EXT1: variants seen among roughly 807,000 people sequenced by gnomAD.
EXT1 encodes exostosin glycosyltransferase 1.
A neutral mutation model predicts 82.5 loss-of-function variants in EXT1; 20 were observed. The observed-to-expected ratio is 0.24, with a 90% CI of 0.17 to 0.35. The LOEUF is 0.35. Ranked by LOEUF, EXT1 falls within the 10% of genes least tolerant of loss-of-function variation. EXT1 has a pLI of 1.00. For synonymous variants in EXT1, 348 were observed against 350.8 expected, an observed-to-expected ratio of 0.99 and a Z score of 0.09; for missense variants, 757 against 936.5, an observed-to-expected ratio of 0.81 and a Z score of 2.50.
chr8:118,023,808 A>C (rs558882419), intron 1 of EXT1, among the ~76,000 whole-genome samples: 2 of 152,386 alleles, frequency 1.3e-5, no homozygotes, highest in South Asian at 4.1e-4. Context: ...TATTAGAAGC[A>C]AGACTTGAGC....
intron 5 of EXT1, among the ~76,000 whole-genome samples, chr8:117,820,636 C>T (rs1180037926): frequency 1.3e-5 from 2 of 151,038 alleles, no homozygotes; most frequent in Non-Finnish European, 2.9e-5. Flanking sequence ...TGCAGTGAGC[C>T]AAGATGGTGC....
intron 1 of EXT1, among the ~76,000 whole-genome samples, chr8:118,009,984 AG>A (rs1815862096): frequency 6.6e-6 from 1 of 152,220 alleles, no homozygotes; most frequent in Non-Finnish European, 1.5e-5. Context: ...AAGAGCTAAC[AG>A]GTAGGCTAAA....
At chr8:118,028,577 A>G (rs1816243900) in intron 1 of EXT1, among the ~76,000 whole-genome samples, 1 of 151,940 alleles carries the variant, frequency 6.6e-6, no homozygotes. Context: ...TATATATTAT[A>G]TTTATATATG....
chr8:117,882,218 C>T (rs1241752118), intron 1 of EXT1, among the ~76,000 whole-genome samples: 1 of 152,156 alleles, frequency 6.6e-6, no homozygotes, highest in Non-Finnish European at 1.5e-5. Context: ...GTAGTTGGGA[C>T]TACAGGCATG....
At chr8:118,005,744 G>A (rs1815762118) in intron 1 of EXT1, among the ~76,000 whole-genome samples, 1 of 152,108 alleles carries the variant, frequency 6.6e-6, no homozygotes, top group African/African-American at 2.4e-5. Flanking sequence ...GTCACATGTA[G>A]GTGAAGATTG....
At chr8:117,876,806 C>G (rs977791167) in intron 1 of EXT1, among the ~76,000 whole-genome samples, 1 of 152,176 alleles carries the variant, frequency 6.6e-6, no homozygotes, top group Non-Finnish European at 1.5e-5. Flanking sequence ...CATTCTTCCA[C>G]AGATATTTAC....
At chr8:118,085,055 G>T (rs1009731693) in intron 1 of EXT1, among the ~76,000 whole-genome samples, 26 of 152,172 alleles carry the variant, frequency 1.7e-4, no homozygotes, top group Non-Finnish European at 2.9e-4. Flanking sequence ...CAGATGTTTC[G>T]ATTGTTAAGC....
chr8:118,030,742 A>G (rs1417214726), intron 1 of EXT1, among the ~76,000 whole-genome samples: 1 of 152,138 alleles, frequency 6.6e-6, no homozygotes, highest in East Asian at 1.9e-4. Context: ...TCAGCCTCCC[A>G]AAGTGCTGGG....
chr8:117,858,371 G>A (rs1446430782), intron 1 of EXT1, among the ~76,000 whole-genome samples: 1 of 152,118 alleles, frequency 6.6e-6, no homozygotes, highest in African/African-American at 2.4e-5. Flanking sequence ...CCACTGTTGT[G>A]TTATTTTAAG....
chr8:117,946,360 T>C, intron 1 of EXT1, among the ~76,000 whole-genome samples: 1 of 135,250 alleles, frequency 7.4e-6, no homozygotes, highest in East Asian at 2.1e-4. Flanking sequence ...TGGTTTTTTG[T>C]TTTTTACTTT....
At chr8:117,973,958 G>GAAGGAAGGAAGA (rs1815014666) in intron 1 of EXT1, among the ~76,000 whole-genome samples, 1 of 149,914 alleles carries the variant, frequency 6.7e-6, no homozygotes, top group African/African-American at 2.5e-5. Flanking sequence ...AGGAAGGAAG[G>GAAGGAAGGAAGA]AAGGAAGGAA....
intron 1 of EXT1, among the ~76,000 whole-genome samples, chr8:118,080,849 A>G (rs1817307364): frequency 6.6e-6 from 1 of 152,156 alleles, no homozygotes. Flanking sequence ...AAGTCATAAA[A>G]TGTGGTTCCC....
chr8:117,849,619 C>A (rs942980647), intron 1 of EXT1, among the ~76,000 whole-genome samples: 1 of 152,192 alleles, frequency 6.6e-6, no homozygotes, highest in African/African-American at 2.4e-5. Flanking sequence ...TCGTCAAGTT[C>A]TCCAAATGCC....
chr8:117,982,422 C>T (rs1815229017), intron 1 of EXT1, among the ~76,000 whole-genome samples: 1 of 152,192 alleles, frequency 6.6e-6, no homozygotes, highest in Non-Finnish European at 1.5e-5. Flanking sequence ...TTTAAGGGCT[C>T]ACCAGATTAT....
chr8:118,029,931 C>A (rs1816277171), intron 1 of EXT1, among the ~76,000 whole-genome samples: 1 of 152,172 alleles, frequency 6.6e-6, no homozygotes, highest in Non-Finnish European at 1.5e-5. Flanking sequence ...CAAACTCTTG[C>A]AACACATTAT....
intron 1 of EXT1, among the ~76,000 whole-genome samples, chr8:117,996,008 C>T (rs1815531625): frequency 1.3e-5 from 2 of 152,178 alleles, no homozygotes; most frequent in Admixed American, 6.5e-5. Context: ...TGTCCTGGTG[C>T]TCTCCCAGAA....
At chr8:118,104,872 C>A (rs1277952019) in intron 1 of EXT1, among the ~76,000 whole-genome samples, 2 of 152,140 alleles carry the variant, frequency 1.3e-5, no homozygotes, top group Non-Finnish European at 2.9e-5. Flanking sequence ...CAGAAGCCTG[C>A]AGAAGCCAAT....
rs377018476 is a variant in EXT1 at position 117,815,802 on chromosome 8, T to C, written c.1632+2633A>G. 2.6e-4 allele frequency among the ~76,000 whole-genome samples: 40 copies of C among 152,096 alleles called. 1 individual carries two copies. The highest frequency in any genetic ancestry group is 1.7e-3 in the East Asian group (9 of 5,182). ...AAAATTAGCCAGGCTTGGTGGCGCA[T>C]GCCTGTAGTTCCAGCTACTGAGGAG... is the stretch of plus-strand genomic sequence containing the variant. On this transcript the variant is annotated intron_variant, in intron 7 of 10. Transcript: ENST00000378204.
chr8:117,800,534 G>A (rs1174674510), intron 10 of EXT1, among the ~76,000 whole-genome samples: 3 of 152,188 alleles, frequency 2.0e-5, no homozygotes, highest in East Asian at 1.9e-4. Flanking sequence ...CCCCATTGAC[G>A]TGACTCCATG....
Sources: gnomAD v4.1 joint callset for allele counts (sites outside exome capture counted in the v4.1 genomes callset) on GRCh38, gnomAD v4.1.1 for gene constraint, MANE v1.5 for transcripts, NCBI Gene and HGNC (gene_info 2026-07-23, HGNC 2026-07-21) for gene names.